The following HELLS variants were observed in gnomAD, a reference collection of about 807,000 sequenced individuals.
HELLS encodes lymphoid-specific helicase.
In HELLS, 32 loss-of-function variants were observed where a neutral mutation model predicts 120.0. The observed-to-expected ratio is 0.27, with a 90% CI of 0.20 to 0.36. The LOEUF (loss-of-function observed/expected upper bound fraction) is 0.36, where lower values mean the gene tolerates loss of function less well. Ranked by LOEUF, HELLS falls within the 10% of genes least tolerant of loss-of-function variation. HELLS has a pLI of 1.00. For synonymous variants in HELLS, 341 were observed against 323.4 expected, an observed-to-expected ratio of 1.05 and a Z score of -0.58; for missense variants, 650 against 993.4, an observed-to-expected ratio of 0.65 and a Z score of 4.65.
chr10:94,596,457 A>G (rs552497408), intron 19 of HELLS, among the ~76,000 whole-genome samples: 39 of 152,116 alleles, frequency 2.6e-4, no homozygotes, highest in Admixed American at 9.8e-4. Context: ...TATTTTTTCA[A>G]CACAGAGTCA....
Position 94,579,318 on chromosome 10 carries a change from A to G in HELLS, c.1033-2008A>G, listed in dbSNP as rs551999232. Among the ~76,000 whole-genome samples the G allele has an allele frequency of 6.8e-5, 10 of 147,896 alleles. No individual in the cohort carries two copies. In the Admixed American group the frequency reaches 6.8e-4, roughly 10 times the overall value. On this transcript the variant is annotated intron_variant, in intron 10 of 21. Transcript: ENST00000348459. ...CAGGTTCACACCATTCTCCTGCCTC[A>G]GCCTGCCGAGTAGTTGGGACTACAG...
intron 6 of HELLS, among the ~76,000 whole-genome samples, chr10:94,567,558 A>G (rs989325364): frequency 6.6e-6 from 1 of 152,124 alleles, no homozygotes; most frequent in African/African-American, 2.4e-5. Context: ...TTGGCCCCCA[A>G]AGTGCTGAGA....
chr10:94,577,019 T>C (rs2134063107), intron 10 of HELLS: 1 of 599,130 alleles, frequency 1.7e-6, no homozygotes. Flanking sequence ...TTAAAGCTTA[T>C]GGCAGTTTAA....
exon 10 of HELLS, chr10:94,613,346 T>G (rs1846212370): frequency 1.3e-5 from 2 of 152,340 alleles, no homozygotes; most frequent in Non-Finnish European, 2.9e-5. Context: ...CAGTTCTGCC[T>G]ATTATATTAA....
downstream of HELLS, among the ~76,000 whole-genome samples, chr10:94,604,336 G>T (rs1415547046): frequency 6.6e-6 from 1 of 152,062 alleles, no homozygotes; most frequent in South Asian, 2.1e-4. Flanking sequence ...TGTTGGCCAG[G>T]CTGGTCTCGA....
rs755804506 is a variant in HELLS, at chr10:94,571,461, G to T, written c.477+32G>T. ...AATTTATAATGTAAGATTAAGTTTA[G>T]AAGTCATATTTACTCCTCAGTTACT... On this transcript the variant is annotated intron_variant, in intron 7 of 21. Transcript: ENST00000348459. 187 of 1,455,690 alleles carry T rather than the reference G, an allele frequency of 1.3e-4. No homozygotes were observed. In the Admixed American group the frequency reaches 3.3e-3, roughly 26 times the overall value. The allele number at this position is 1,455,690 out of a possible 1,614,324, so 90.2% of individuals were successfully genotyped here.
At chr10:94,576,269 C>A (rs1466785194) in intron 9 of HELLS, among the ~76,000 whole-genome samples, 1 of 152,182 alleles carries the variant, frequency 6.6e-6, no homozygotes, top group Non-Finnish European at 1.5e-5. Flanking sequence ...CCATCTCACT[C>A]CACTGGGTGA....
chr10:94,574,311 C>T (rs1371916073), intron 8 of HELLS, 124 bp downstream of exon 8: 2 of 742,078 alleles, frequency 2.7e-6, no homozygotes, highest in African/African-American at 3.6e-5. Context: ...TATGTGGATA[C>T]TTGCTTTCTG....
downstream of HELLS, among the ~76,000 whole-genome samples, chr10:94,604,891 A>G (rs935832839): frequency 7.9e-5 from 12 of 151,940 alleles, no homozygotes; most frequent in African/African-American, 2.9e-4. Context: ...ATTAAAACAG[A>G]TCTCATGATT....
chr10:94,612,101 A>T (rs1157644400), exon 10 of HELLS: 2 of 152,196 alleles, frequency 1.3e-5, no homozygotes, highest in Non-Finnish European at 2.9e-5. Flanking sequence ...TATACCAGTG[A>T]AGGCTCCATC....
At chr10:94,604,440 A>G (rs1846104334), downstream of HELLS, among the ~76,000 whole-genome samples, 1 of 151,860 alleles carries the variant, frequency 6.6e-6, no homozygotes, top group Non-Finnish European at 1.5e-5. Flanking sequence ...AAAAGTCGTC[A>G]TGTCTCTGCC....
At chr10:94,550,893 GA>G (rs1842951171) in intron 2 of HELLS, 2 of 151,746 alleles carry the variant, frequency 1.3e-5, no homozygotes, top group Non-Finnish European at 2.9e-5. Context: ...CCCTGTCTCA[GA>G]AAAAAGAAAA....
chr10:94,580,835 T>C (rs927648235), intron 10 of HELLS, among the ~76,000 whole-genome samples: 1 of 152,292 alleles, frequency 6.6e-6, no homozygotes, highest in Admixed American at 6.5e-5. Flanking sequence ...GATATTAAAA[T>C]GAGAAAGTTA....
At chr10:94,597,007 A>G (rs1845772242) in intron 20 of HELLS, 28 bp from the exon 21 acceptor site, 1 of 1,473,412 alleles carries the variant, frequency 6.8e-7, no homozygotes, top group African/African-American at 1.4e-5. Context: ...AATTATTCAC[A>G]TAGACTTGAA....
intron 9 of HELLS, among the ~76,000 whole-genome samples, chr10:94,575,167 T>G (rs1172931022): frequency 4.0e-5 from 6 of 150,742 alleles, no homozygotes; most frequent in Non-Finnish European, 7.4e-5. Flanking sequence ...TGATGCAGTC[T>G]TGGTTCACTG....
chr10:94,564,990 C>T (rs1843720970), intron 6 of HELLS, among the ~76,000 whole-genome samples: 1 of 152,118 alleles, frequency 6.6e-6, no homozygotes. Context: ...GAAAAATTTA[C>T]ATAATAGTTT....
intron 6 of HELLS, among the ~76,000 whole-genome samples, chr10:94,563,622 G>A (rs1444749684): frequency 2.6e-5 from 4 of 151,980 alleles, no homozygotes; most frequent in Non-Finnish European, 5.9e-5. Context: ...GAGTAGCTGG[G>A]ACTACAGGTG....
At chr10:94,578,998 G>A (rs981471505) in intron 10 of HELLS, among the ~76,000 whole-genome samples, 62 of 151,980 alleles carry the variant, frequency 4.1e-4, no homozygotes, top group Admixed American at 6.6e-5. Flanking sequence ...GGCTTCCCTC[G>A]CTCACAGCTG....
chr10:94,557,089 C>A, intron 3 of HELLS: 1 of 247,454 alleles, frequency 4.0e-6, no homozygotes, highest in South Asian at 3.8e-5. Flanking sequence ...GCTAACACAC[C>A]TGATTCTCTT....
Sources: gnomAD v4.1 joint callset for allele counts (sites outside exome capture counted in the v4.1 genomes callset) on GRCh38, gnomAD v4.1.1 for gene constraint, MANE v1.5 for transcripts, NCBI Gene and HGNC (gene_info 2026-07-23, HGNC 2026-07-21) for gene names.